MXI1: variants seen among roughly 807,000 people sequenced by gnomAD.
MXI1 encodes the protein MAX interactor 1, dimerization protein.
A neutral mutation model predicts 36.9 loss-of-function variants in MXI1; 18 were observed. That is an observed-to-expected ratio of 0.49 (90% CI 0.34 to 0.72). The LOEUF (loss-of-function observed/expected upper bound fraction) is 0.72. Ranked by LOEUF, MXI1 falls within the 30% of genes least tolerant of loss-of-function variation. MXI1 has a pLI of 0.01. For synonymous variants in MXI1, 160 were observed against 146.7 expected (o/e 1.09, Z -0.65); for missense variants, 304 against 379.1 (o/e 0.80, Z 1.64).
intron 3 of MXI1, among the ~76,000 whole-genome samples, chr10:110,248,807 A>G (rs576238690): frequency 2.6e-5 from 4 of 152,272 alleles, no homozygotes; most frequent in South Asian, 4.1e-4. Context: ...GAAAGATGAT[A>G]TAGAATTAAC....
intron 3 of MXI1, among the ~76,000 whole-genome samples, chr10:110,255,699 G>A (rs1856262063): frequency 6.6e-6 from 1 of 152,124 alleles, no homozygotes; most frequent in South Asian, 2.1e-4. Context: ...GATATCCTGT[G>A]CTCATGGATT....
chr10:110,284,998 G>T lies in MXI1; in HGVS notation c.*11G>T. On this transcript the variant is annotated 3_prime_UTR_variant, in exon 6 of 6. Transcript: ENST00000332674. ...TCATTCACTTCATAGAACCCAGCAT[G>T]ACATAACAGTGCAGGGCAAAATATT... The T allele has an allele frequency of 6.2e-7, 1 of 1,604,948 alleles. No individual in the cohort carries two copies. The highest frequency in any genetic ancestry group is 1.1e-5 in the South Asian group (1 of 89,196).
At chr10:110,210,864 G>T (rs759303206) in intron 1 of MXI1, among the ~76,000 whole-genome samples, 15 of 152,202 alleles carry the variant, frequency 9.9e-5, no homozygotes, top group Non-Finnish European at 1.5e-4. Flanking sequence ...GGCACTGCGG[G>T]TCGCTCGGCG....
intron 3 of MXI1, among the ~76,000 whole-genome samples, chr10:110,268,341 G>C (rs1028972160): frequency 2.0e-5 from 3 of 152,110 alleles, no homozygotes; most frequent in Non-Finnish European, 4.4e-5. Context: ...ATAAATACTA[G>C]AGCTTTGATT....
At chr10:110,253,337 C>T (rs1388929725) in intron 3 of MXI1, among the ~76,000 whole-genome samples, 1 of 151,832 alleles carries the variant, frequency 6.6e-6, no homozygotes, top group African/African-American at 2.4e-5. Context: ...TCTGCCTTAT[C>T]TTAGAACAAA....
At chr10:110,275,543 T>C (rs1436389389) in intron 3 of MXI1, among the ~76,000 whole-genome samples, 1 of 152,210 alleles carries the variant, frequency 6.6e-6, no homozygotes, top group African/African-American at 2.4e-5. Context: ...TTTAACTCTT[T>C]CCAGTTTACA....
At position 110,228,298 on chromosome 10, in the gene MXI1, C is replaced by T; in HGVS notation, c.384C>T (p.Ser128=). The change falls in exon 2 of 6, where the codon AGC becomes AGT. Residue 128 remains serine, a synonymous_variant. Transcript: ENST00000332674. ...LSRAQKHSSG[S]SNTSTANRST... is the part of the protein sequence containing the mutation. ...GGGCACAGAAACACAGCAGCGGGAG[C>T]AGCAACACCAGCACTGCCAACAGGT... 1 of 1,614,158 alleles carries T rather than the reference C, an allele frequency of 6.2e-7. No homozygotes were observed. The highest frequency in any genetic ancestry group is 1.6e-4 in the Middle Eastern group (1 of 6,062).
chr10:110,229,381 G>T (rs1278396018), intron 2 of MXI1, among the ~76,000 whole-genome samples: 1 of 152,190 alleles, frequency 6.6e-6, no homozygotes, highest in Non-Finnish European at 1.5e-5. Context: ...GCTTCAGTCA[G>T]GTGGTTGGTT....
At chr10:110,245,299 T>C (rs1274916322) in intron 3 of MXI1, among the ~76,000 whole-genome samples, 1 of 152,178 alleles carries the variant, frequency 6.6e-6, no homozygotes, top group African/African-American at 2.4e-5. Flanking sequence ...GAGCTGTATG[T>C]CAGTGCCAGG....
At chr10:110,284,763 T>A in intron 5 of MXI1, 61 bp from the exon 6 acceptor site, 1 of 1,461,924 alleles carries the variant, frequency 6.8e-7, no homozygotes, top group Non-Finnish European at 9.2e-7. Context: ...ATGCTGTTAG[T>A]TTTTGAAGGT....
intron 3 of MXI1, among the ~76,000 whole-genome samples, chr10:110,266,906 A>G (rs1188294232): frequency 1.3e-5 from 2 of 152,188 alleles, no homozygotes; most frequent in South Asian, 4.1e-4. Flanking sequence ...ACTAAGATTG[A>G]TAGGGGATTT....
intron 3 of MXI1, among the ~76,000 whole-genome samples, chr10:110,259,662 A>G (rs1411718651): frequency 6.6e-6 from 1 of 152,074 alleles, no homozygotes; most frequent in Non-Finnish European, 1.5e-5. Flanking sequence ...AGTATCTTGC[A>G]TTTATATTCT....
chr10:110,253,462 C>T (rs1329473600), intron 3 of MXI1, among the ~76,000 whole-genome samples: 1 of 151,872 alleles, frequency 6.6e-6, no homozygotes, highest in African/African-American at 2.4e-5. Context: ...TTTTCACTGC[C>T]TATTTTGTAT....
intron 3 of MXI1, among the ~76,000 whole-genome samples, chr10:110,252,901 A>G (rs924751401): frequency 2.0e-5 from 3 of 152,158 alleles, no homozygotes; most frequent in Admixed American, 1.3e-4. Flanking sequence ...AATAAATTAT[A>G]TGAGAAAACT....
chr10:110,247,480 G>T (rs976056435), intron 3 of MXI1, among the ~76,000 whole-genome samples: 1 of 152,084 alleles, frequency 6.6e-6, no homozygotes, highest in African/African-American at 2.4e-5. Flanking sequence ...GTCCTGAATG[G>T]TATTACCGAG....
chr10:110,240,015 G>A (rs1291846034), intron 2 of MXI1, among the ~76,000 whole-genome samples: 2 of 151,602 alleles, frequency 1.3e-5, no homozygotes, highest in Non-Finnish European at 2.9e-5. Flanking sequence ...GAGTTATGTA[G>A]TGTGTACTTT....
At chr10:110,271,428 A>G (rs957076316) in intron 3 of MXI1, among the ~76,000 whole-genome samples, 3 of 152,206 alleles carry the variant, frequency 2.0e-5, no homozygotes, top group Admixed American at 2.0e-4. Flanking sequence ...GAAATGACTA[A>G]AAGTATGGAT....
intron 3 of MXI1, among the ~76,000 whole-genome samples, chr10:110,251,726 G>A (rs2010327): frequency 0.029 from 4,370 of 152,188 alleles, 353 homozygotes; most frequent in East Asian, 0.28. Flanking sequence ...ATACTGAGCC[G>A]TGAAGAAGAG....
At chr10:110,248,713 C>G (rs957835091) in intron 3 of MXI1, among the ~76,000 whole-genome samples, 1 of 152,060 alleles carries the variant, frequency 6.6e-6, no homozygotes, top group African/African-American at 2.4e-5. Flanking sequence ...GACTAATAAA[C>G]ATTGTTTATT....
Sources: gnomAD v4.1 joint callset for allele counts (sites outside exome capture counted in the v4.1 genomes callset) on GRCh38, gnomAD v4.1.1 for gene constraint, MANE v1.5 for transcripts, NCBI Gene and HGNC (gene_info 2026-07-23, HGNC 2026-07-21) for gene names.